The following SMAD1 variants were observed in gnomAD, a reference collection of about 807,000 sequenced individuals.
SMAD1 encodes the protein MAD, mothers against decapentaplegic homolog 1.
A neutral mutation model predicts 41.6 loss-of-function variants in SMAD1; 6 were observed. The ratio of observed to expected loss-of-function variants is 0.14; its 90% CI spans 0.08 to 0.28. SMAD1 has a LOEUF of 0.28. SMAD1 is among the 10% of genes least tolerant of loss of function. The pLI, the probability that SMAD1 is intolerant of heterozygous loss-of-function variation, is 1.00. For missense variants in SMAD1, 379 were observed against 582.6 expected (o/e 0.65, Z 3.60); for synonymous variants, 206 against 203.2 (o/e 1.01, Z -0.12).
At chr4:145,504,051 T>G (rs1486383392) in intron 1 of SMAD1, 1 of 152,224 alleles carries the variant, frequency 6.6e-6, no homozygotes, top group Admixed American at 6.5e-5. Flanking sequence ...CAGTGTTAAT[T>G]TTAGAAGTGT....
In SMAD1 at chr4:145,514,651, C is replaced by T. The variant is rs1427144576; in HGVS notation, c.38C>T (p.Ala13Val). ...AGTTTATTTTCCTTTACAAGTCCAGCTGTGAAGAGACTTCTTGGGTGGAAA... is the reference window on the plus strand; with the variant it reads ...AGTTTATTTTCCTTTACAAGTCCAGTTGTGAAGAGACTTCTTGGGTGGAAA... ...VTSLFSFTSP[A>V]VKRLLGWKQG... Residue 13 changes from alanine (A) to valine (V), a missense_variant, in exon 2 of 7, where the codon GCT becomes GTT. Around this residue, in one of 3 missense-constraint regions of SMAD1, gnomAD observed 64 missense variants for 153.9 expected, o/e 0.42. Coordinates refer to ENST00000302085, the MANE Select transcript of SMAD1 (RefSeq NM_005900.3). This position sits in a 1 kb window ranked among gnomAD's most constrained non-coding sequence, Gnocchi z 4.7. 1 of 1,612,748 alleles carries T rather than the reference C, an allele frequency of 6.2e-7. No individual in the cohort carries two copies. The highest frequency in any genetic ancestry group is 8.5e-7 in the Non-Finnish European group (1 of 1,179,636).
At chr4:145,506,399 C>T (rs9683725) in intron 1 of SMAD1, among the ~76,000 whole-genome samples, 19,674 of 151,982 alleles carry the variant, frequency 0.13, 2,553 homozygotes, top group African/African-American at 0.32. Flanking sequence ...TCTTAAAGTA[C>T]GGAGAGTTTT....
At chr4:145,522,619 CT>C (rs1269872924) in intron 2 of SMAD1, among the ~76,000 whole-genome samples, 9 of 152,096 alleles carry the variant, frequency 5.9e-5, no homozygotes, top group Admixed American at 5.9e-4. Flanking sequence ...AAATGGAAAT[CT>C]TTAAAAAATG....
intron 1 of SMAD1, among the ~76,000 whole-genome samples, chr4:145,510,806 C>T (rs1003520488): frequency 2.0e-5 from 3 of 151,918 alleles, no homozygotes; most frequent in African/African-American, 7.3e-5. Flanking sequence ...TGTTAATCTC[C>T]CACTAGGATT....
intron 5 of SMAD1, among the ~76,000 whole-genome samples, chr4:145,548,778 A>G (rs887708329): frequency 3.3e-5 from 5 of 152,236 alleles, no homozygotes; most frequent in African/African-American, 9.6e-5. Flanking sequence ...TTTACCCTCA[A>G]ACTGCCTGTT....
intron 1 of SMAD1, among the ~76,000 whole-genome samples, chr4:145,493,013 C>T (rs1728856249): frequency 6.6e-6 from 1 of 152,184 alleles, no homozygotes; most frequent in Non-Finnish European, 1.5e-5. Flanking sequence ...TCTGTCTTAC[C>T]ATCTCCTTTC....
Position 145,518,239 on chromosome 4 carries a change from T to G in SMAD1, c.400+3226T>G, listed in dbSNP as rs1459444302. Among the ~76,000 whole-genome samples the G allele has an allele frequency of 2.4e-5, 3 of 125,726 alleles. 1 individual carries two copies. The highest frequency in any genetic ancestry group is 2.0e-4 in the East Asian group (1 of 5,030). The allele number at this position is 125,726 out of a possible 152,430, so 82.5% of individuals were successfully genotyped here. On this transcript the variant is annotated intron_variant, in intron 2 of 6. Transcript: ENST00000302085. ...CTATGATCATGCCTGTAAATAGCCATTACGTTCTAGCCTGGGCAGTGTAGT... is the reference window on the plus strand; with the variant it reads ...CTATGATCATGCCTGTAAATAGCCAGTACGTTCTAGCCTGGGCAGTGTAGT...
intron 4 of SMAD1, among the ~76,000 whole-genome samples, chr4:145,543,948 ATACTTATTAAAATAGGAGT>A (rs1732098007): frequency 6.6e-6 from 1 of 151,932 alleles, no homozygotes; most frequent in South Asian, 2.1e-4. Flanking sequence ...AAAATAGGAG[ATACTTATTAAAATAGGAGT>A]TGCTTATATT....
chr4:145,516,760 A>G (rs1730418396), intron 2 of SMAD1, among the ~76,000 whole-genome samples: 1 of 152,230 alleles, frequency 6.6e-6, no homozygotes, highest in African/African-American at 2.4e-5. Flanking sequence ...AATGTAGTAG[A>G]TAAGTAATAT....
At position 145,516,836 on chromosome 4, in the gene SMAD1, T is replaced by C. The variant is rs374465789; in HGVS notation, c.400+1823T>C. Among the ~76,000 whole-genome samples, 4 of 152,210 alleles carry C rather than the reference T, an allele frequency of 2.6e-5. No homozygotes were observed. The East Asian group carries it at 7.7e-4, about 29-fold the overall frequency. ...TCGTAGTAACCTTAAAATGTATTAA[T>C]ACATAGGTAAGATTTTAATTCTACT... On this transcript the variant is annotated intron_variant, in intron 2 of 6. Coordinates refer to ENST00000302085, the MANE Select transcript of SMAD1 (RefSeq NM_005900.3).
intron 2 of SMAD1, among the ~76,000 whole-genome samples, chr4:145,533,421 C>T (rs1361625274): frequency 6.6e-6 from 1 of 152,194 alleles, no homozygotes; most frequent in Non-Finnish European, 1.5e-5. Context: ...TGTGGTGGCT[C>T]ATGCCTGTAA....
At chr4:145,542,348 A>G (rs1731992441) in intron 3 of SMAD1, among the ~76,000 whole-genome samples, 3 of 152,258 alleles carry the variant, frequency 2.0e-5, no homozygotes, top group East Asian at 1.9e-4. Flanking sequence ...GAACTGGCAT[A>G]TAGTATAATT....
chr4:145,505,616 CA>C (rs542570974), intron 1 of SMAD1, among the ~76,000 whole-genome samples: 8,048 of 95,558 alleles, frequency 0.084, 570 homozygotes, highest in African/African-American at 0.2. Context: ...AAGACTCTGT[CA>C]AAAAAAAAAA....
chr4:145,555,803 T>A (rs777469789), intron 6 of SMAD1, among the ~76,000 whole-genome samples: 8 of 152,124 alleles, frequency 5.3e-5, no homozygotes, highest in Non-Finnish European at 1.2e-4. Context: ...GCACCTAAAG[T>A]CTCTTATCAT....
intron 1 of SMAD1, among the ~76,000 whole-genome samples, chr4:145,506,705 G>C (rs559155340): frequency 6.6e-6 from 1 of 151,902 alleles, no homozygotes; most frequent in Non-Finnish European, 1.5e-5. Flanking sequence ...AAAACTTTCT[G>C]TGGGAATTTG....
intron 1 of SMAD1, chr4:145,498,071 A>G (rs1370362668): frequency 2.0e-5 from 3 of 152,248 alleles, no homozygotes; most frequent in Admixed American, 2.0e-4. Flanking sequence ...AGATTTCTGT[A>G]ATGGAAAAAG....
chr4:145,557,770 C>A, intron 6 of SMAD1, 21 bp from the exon 7 acceptor site: 1 of 1,588,492 alleles, frequency 6.3e-7, no homozygotes, highest in Non-Finnish European at 8.6e-7. Flanking sequence ...AGTTAAATGA[C>A]CTCCAGTATG....
chr4:145,536,235 G>A (rs1019526602), intron 2 of SMAD1, among the ~76,000 whole-genome samples: 7 of 151,866 alleles, frequency 4.6e-5, no homozygotes, highest in Admixed American at 6.6e-5. Context: ...GTACACACAC[G>A]CACACACACA....
At chr4:145,533,446 G>A (rs1479577929) in intron 2 of SMAD1, among the ~76,000 whole-genome samples, 1 of 152,204 alleles carries the variant, frequency 6.6e-6, no homozygotes, top group Non-Finnish European at 1.5e-5. Context: ...AGTGCTTTGA[G>A]AGGCTGAGGC....
Sources: allele counts gnomAD v4.1 joint callset (sites outside exome capture counted in the v4.1 genomes callset), GRCh38; gene constraint gnomAD v4.1.1; regional missense constraint gnomAD v4.1.1; non-coding constraint Gnocchi (gnomAD v3.1); transcripts MANE v1.5; gene names NCBI Gene and HGNC (gene_info 2026-07-23, HGNC 2026-07-21).